NMRAL1: variants seen among roughly 807,000 people sequenced by gnomAD.
The protein encoded by NMRAL1 is NmrA like redox sensor 1.
A neutral mutation model predicts 27.5 loss-of-function variants in NMRAL1; 32 were observed. The observed-to-expected ratio is 1.16, with a 90% CI of 0.88 to 1.56. The LOEUF is 1.56. Ranked by LOEUF, NMRAL1 falls within the 40% of genes most tolerant of loss-of-function variation. The probability of loss-of-function intolerance (pLI) is 0.00; values close to 1 mark genes in which losing one functional copy is unlikely to be tolerated. For missense variants in NMRAL1, 420 were observed against 392.0 expected (o/e 1.07, Z -0.60); for synonymous variants, 166 against 166.8 (o/e 1.00, Z 0.04).
chr16:4,470,920 C>G (rs1223406922), intron 2 of NMRAL1, among the ~76,000 whole-genome samples: 2 of 148,726 alleles, frequency 1.3e-5, no homozygotes, highest in African/African-American at 2.5e-5. Flanking sequence ...GCACTCCAGC[C>G]TGGACGACAG....
chr16:4,466,892 AC>A (rs2057351844), intron 3 of NMRAL1: 1 of 165,206 alleles, frequency 6.1e-6, no homozygotes, highest in African/African-American at 2.4e-5. Context: ...GCAGATGACA[AC>A]ACTACCTACT....
At position 4,461,923 on chromosome 16, in the gene NMRAL1, C is replaced by T. The variant is rs751598351; in HGVS notation, c.757G>A (p.Gly253Ser). 1.8e-5 allele frequency: 29 copies of T among 1,613,876 alleles called. No individual in the cohort carries two copies. The highest frequency in any genetic ancestry group is 2.3e-5 in the Non-Finnish European group (27 of 1,179,944). Reference protein sequence around the residue: ...PEDYEKLGFPGARDLANMFRF... With the variant: ...PEDYEKLGFPSARDLANMFRF... ...AACATGTTGGCCAGGTCCCGGGCACCGGGAAAGCCAAGCTTTTCGTAGTCC... is the reference window on the plus strand; with the variant it reads ...AACATGTTGGCCAGGTCCCGGGCACTGGGAAAGCCAAGCTTTTCGTAGTCC... The change falls in exon 6 of 6, where the codon GGT becomes AGT. Residue 253 changes from glycine (G) to serine (S), a missense_variant. Transcript: ENST00000283429.
rs369860675 is a variant in NMRAL1 at position 4,469,260 on chromosome 16, C to G, written c.246G>C (p.Trp82Cys). The G allele has an allele frequency of 6.2e-6, 10 of 1,613,972 alleles. No individual in the cohort carries two copies. Among genetic ancestry groups the G allele is most frequent in the African/African-American group, 1.3e-5 (1 of 74,900 alleles). ...AYATFIVTNY[W>C]ESCSQEQEVK... ...CCTCCTGCTCCTGGCTGCAGCTCTCCCAGTAATTGGTCACGATGAAGGTGG... is the reference window on the plus strand; with the variant it reads ...CCTCCTGCTCCTGGCTGCAGCTCTCGCAGTAATTGGTCACGATGAAGGTGG... Residue 82 changes from tryptophan (W) to cysteine (C), a missense_variant, in exon 3 of 6, where the codon TGG (tryptophan) becomes TGC (cysteine). Physicochemically the swap from Trp to Cys is radical, Grantham distance 215 (BLOSUM62 -2). Transcript: ENST00000283429.
intron 2 of NMRAL1, among the ~76,000 whole-genome samples, chr16:4,473,414 G>C (rs2057675934): frequency 6.6e-6 from 1 of 152,024 alleles, no homozygotes; most frequent in African/African-American, 2.4e-5. Context: ...CAATAAAGCT[G>C]TTAGAGATAT....
At chr16:4,474,527 A>G (rs1401702602) in intron 1 of NMRAL1, 27 bp downstream of exon 1, 4 of 173,066 alleles carry the variant, frequency 2.3e-5, no homozygotes, top group Non-Finnish European at 3.7e-5. Flanking sequence ...CTAGGCGCCA[A>G]CTCCCTCCCC....
chr16:4,474,467 C>G (rs1368981613), intron 1 of NMRAL1, 87 bp downstream of exon 1: 1 of 306,660 alleles, frequency 3.3e-6, no homozygotes, highest in Admixed American at 4.7e-5. Flanking sequence ...GAGCCCGGGA[C>G]CCCGATTCTG....
chr16:4,471,159 G>A (rs1249073399), intron 2 of NMRAL1, among the ~76,000 whole-genome samples: 1 of 152,032 alleles, frequency 6.6e-6, no homozygotes, highest in East Asian at 1.9e-4. Context: ...AATTCTTCCT[G>A]AAGTAGAATA....
At chr16:4,465,291 C>A (rs1334599571) in intron 4 of NMRAL1, among the ~76,000 whole-genome samples, 1 of 152,172 alleles carries the variant, frequency 6.6e-6, no homozygotes, top group Non-Finnish European at 1.5e-5. Flanking sequence ...GAGCAGGACT[C>A]CCATGGGCTG....
chr16:4,470,946 C>A (rs904470074), intron 2 of NMRAL1, among the ~76,000 whole-genome samples: 62 of 133,454 alleles, frequency 4.6e-4, no homozygotes, highest in South Asian at 9.7e-4. Context: ...GACTCCGTCT[C>A]AAAAAAAAAA....
Position 4,466,370 on chromosome 16 carries a change from C to G in NMRAL1, c.312G>C (p.Leu104=), listed in dbSNP as rs1159583856. The G allele has an allele frequency of 6.2e-7, 1 of 1,613,128 alleles. No homozygotes were observed. The highest frequency in any genetic ancestry group is 2.2e-5 in the East Asian group (1 of 44,868). Residue 104 remains leucine, a synonymous_variant, in exon 4 of 6, where the codon CTG becomes CTC. Coordinates refer to ENST00000283429, the MANE Select transcript of NMRAL1 (RefSeq NM_020677.6). The part of the protein sequence containing the change: ...GKLLADLARR[L]GLHYVVYSGL... ...CGCTGTAGACCACATAGTGGAGGCCCAGGCGCCTGGCCAGATCAGCGAGCA... is the reference window on the plus strand; with the variant it reads ...CGCTGTAGACCACATAGTGGAGGCCGAGGCGCCTGGCCAGATCAGCGAGCA...
chr16:4,466,548 T>C, intron 3 of NMRAL1, 146 bp from the exon 4 acceptor site: 1 of 712,438 alleles, frequency 1.4e-6, no homozygotes, highest in Non-Finnish European at 2.3e-6. Context: ...CCCCCTCTCC[T>C]GGAATGATGT....
chr16:4,464,115 T>G, intron 4 of NMRAL1: 1 of 521,460 alleles, frequency 1.9e-6, no homozygotes, highest in East Asian at 3.4e-5. Context: ...ATTCCTAGAA[T>G]GGGGCTAAGA....
chr16:4,466,240 T>G lies in NMRAL1; in HGVS notation c.442A>C (p.Thr148Pro), dbSNP rs747270032. ...EYFRDIGVPM[T>P]SVRLPCYFEN... ...AAATAGCAGGGCAGCCGCACACTGG[T>G]CATGGGAACGCCAATGTCCCGGAAA... is the stretch of plus-strand genomic sequence containing the variant. Residue 148 changes from threonine (T) to proline (P), a missense_variant, in exon 4 of 6, where the codon ACC becomes CCC. By Grantham distance (38) the Thr-to-Pro change is conservative (BLOSUM62 -1). Coordinates refer to ENST00000283429, the MANE Select transcript of NMRAL1 (RefSeq NM_020677.6). The G allele has an allele frequency of 6.2e-7, 1 of 1,614,078 alleles. No individual in the cohort carries two copies. The highest frequency in any genetic ancestry group is 2.2e-5 in the East Asian group (1 of 44,878).
intron 2 of NMRAL1, among the ~76,000 whole-genome samples, chr16:4,471,036 G>T (rs1468082297): frequency 6.6e-6 from 1 of 152,030 alleles, no homozygotes; most frequent in Non-Finnish European, 1.5e-5. Context: ...GAACCAGGGT[G>T]GCAGAGGTTG....
intron 2 of NMRAL1, among the ~76,000 whole-genome samples, chr16:4,470,973 T>C (rs1201693163): frequency 1.4e-5 from 2 of 142,996 alleles, no homozygotes; most frequent in African/African-American, 5.2e-5. Context: ...TAGCTGGGCA[T>C]GGTGGAGCCT....
rs764688115 is a variant in NMRAL1, at chr16:4,461,848, G to C, written c.832C>G (p.Leu278Val). The C allele has an allele frequency of 6.2e-7, 1 of 1,614,246 alleles. No individual in the cohort carries two copies. Among genetic ancestry groups the C allele is most frequent in the South Asian group, 1.1e-5 (1 of 91,086 alleles). ...TCCAGCGTCAGGGCCTTGGGGTTGA[G>C]TCTCAGGGTCAGCTCGATGTCACGG... ...PDRDIELTLR[L>V]NPKALTLDQW... The change falls in exon 6 of 6, where the codon CTC becomes GTC. Residue 278 changes from leucine to valine, a missense_variant. Transcript: ENST00000283429.
Position 4,466,162 on chromosome 16 carries a change from A to G in NMRAL1, c.520T>C (p.Tyr174His), listed in dbSNP as rs1034025350. The part of the protein sequence containing the change: ...LPQKAPDGKS[Y>H]LLSLPTGDVP... ...GAGAAAGGGCACTTACTCAGCAAGT[A>G]GCTCTTTCCGTCTGGGGCTTTCTGG... The change falls in exon 4 of 6, where the codon TAC (tyrosine) becomes CAC (histidine). Residue 174 changes from tyrosine (Y) to histidine (H), a missense_variant. Physicochemically the swap from Tyr to His is moderately conservative, Grantham distance 83. Transcript: ENST00000283429. 2.5e-6 allele frequency: 4 copies of G among 1,614,066 alleles called. No individual in the cohort carries two copies. The highest frequency in any genetic ancestry group is 3.4e-6 in the Non-Finnish European group (4 of 1,180,040).
At chr16:4,469,043 C>A (rs1208697688) in intron 3 of NMRAL1, among the ~76,000 whole-genome samples, 184 bp downstream of exon 3, 1 of 149,104 alleles carries the variant, frequency 6.7e-6, no homozygotes, top group Non-Finnish European at 1.5e-5. Flanking sequence ...CTCAAACAAA[C>A]AAAAAAAAAG....
At chr16:4,470,523 T>G (rs1366216572) in intron 2 of NMRAL1, among the ~76,000 whole-genome samples, 1 of 151,494 alleles carries the variant, frequency 6.6e-6, no homozygotes, top group Non-Finnish European at 1.5e-5. Flanking sequence ...AAAAGTAGAA[T>G]ACAAAACCAT....
Sources: gnomAD v4.1 joint callset for allele counts (sites outside exome capture counted in the v4.1 genomes callset) on GRCh38, gnomAD v4.1.1 for gene constraint, MANE v1.5 for transcripts, NCBI Gene and HGNC (gene_info 2026-07-23, HGNC 2026-07-21) for gene names.